EXT2: variants seen among roughly 807,000 people sequenced by gnomAD.
EXT2 encodes exostosin-2.
EXT2 carries 53 observed loss-of-function variants against 81.6 expected under a neutral mutation model. The ratio of observed to expected loss-of-function variants is 0.65; its 90% CI spans 0.52 to 0.82. The LOEUF (loss-of-function observed/expected upper bound fraction) is 0.82, where lower values mean the gene tolerates loss of function less well. EXT2 is among the 40% of genes least tolerant of loss of function. EXT2 has a pLI of 0.00. For missense variants in EXT2, 774 were observed against 910.2 expected, an observed-to-expected ratio of 0.85 and a Z score of 1.93; for synonymous variants, 320 against 340.0, an observed-to-expected ratio of 0.94 and a Z score of 0.65.
intron 4 of EXT2, among the ~76,000 whole-genome samples, chr11:44,118,378 T>A (rs1434798029): frequency 6.6e-6 from 1 of 152,190 alleles, no homozygotes; most frequent in Non-Finnish European, 1.5e-5. Context: ...TACAGATGCA[T>A]GATTCATATT....
intron 8 of EXT2, among the ~76,000 whole-genome samples, chr11:44,181,811 T>C (rs936160376): frequency 2.0e-5 from 3 of 152,220 alleles, no homozygotes; most frequent in African/African-American, 7.2e-5. Context: ...CTATTTTTCT[T>C]ATTGGAAGCT....
Position 44,250,969 on chromosome 11 carries a change from C to T in EXT2, c.*6682C>T, listed in dbSNP as rs748514993. ...GGTGGCAGCACCTCCTATAGGATTT[C>T]CAATAGTCTTTCTCTAGTAGATCAT... On this transcript the variant is annotated 3_prime_UTR_variant, in exon 14 of 14. Transcript: ENST00000533608. Among the ~76,000 whole-genome samples, 5 of 152,194 alleles carry T rather than the reference C, an allele frequency of 3.3e-5. No homozygotes were observed. Among genetic ancestry groups the T allele is most frequent in the Admixed American group, 6.5e-5 (1 of 15,282 alleles).
At chr11:44,233,590 A>G (rs1055906061) in intron 11 of EXT2, among the ~76,000 whole-genome samples, 1 of 152,230 alleles carries the variant, frequency 6.6e-6, no homozygotes, top group African/African-American at 2.4e-5. Context: ...CAGCAGTAGC[A>G]TAAAGAACTG....
At chr11:44,236,867 T>C (rs143844023) in intron 13 of EXT2, among the ~76,000 whole-genome samples, 127 of 152,250 alleles carry the variant, frequency 8.3e-4, no homozygotes, top group African/African-American at 2.9e-3. Flanking sequence ...GCAAGACAGC[T>C]CTGAAATACT....
chr11:44,158,392 T>C (rs1225061535), intron 7 of EXT2, among the ~76,000 whole-genome samples: 2 of 152,190 alleles, frequency 1.3e-5, no homozygotes, highest in Admixed American at 6.5e-5. Context: ...CAAACTGTTA[T>C]TTTTTCTGTA....
chr11:44,119,922 A>T (rs1409238817), intron 4 of EXT2, among the ~76,000 whole-genome samples: 1 of 152,180 alleles, frequency 6.6e-6, no homozygotes, highest in Non-Finnish European at 1.5e-5. Context: ...TCTTCAGTGC[A>T]CTTTTCTTGA....
At chr11:44,137,371 T>C (rs866511224) in intron 7 of EXT2, among the ~76,000 whole-genome samples, 2 of 152,188 alleles carry the variant, frequency 1.3e-5, no homozygotes, top group Non-Finnish European at 2.9e-5. Context: ...ATAAAGTTAC[T>C]TTCCCTGGCA....
At chr11:44,164,965 G>A (rs375304615) in intron 7 of EXT2, among the ~76,000 whole-genome samples, 11 of 147,020 alleles carry the variant, frequency 7.5e-5, no homozygotes, top group Middle Eastern at 3.5e-3. Context: ...TGCAAGCTCC[G>A]CCTCCCGGGT....
chr11:44,148,783 C>T (rs1954754573), intron 7 of EXT2, among the ~76,000 whole-genome samples: 2 of 152,262 alleles, frequency 1.3e-5, no homozygotes, highest in South Asian at 2.1e-4. Flanking sequence ...CTACATTCCT[C>T]TGGTGGGAAC....
intron 1 of EXT2, among the ~76,000 whole-genome samples, chr11:44,100,808 C>T (rs1318449219): frequency 6.6e-6 from 1 of 152,142 alleles, no homozygotes; most frequent in Non-Finnish European, 1.5e-5. Context: ...GACCCTGAGA[C>T]CTGGATGGAG....
At chr11:44,223,132 A>G (rs1955800255) in intron 10 of EXT2, among the ~76,000 whole-genome samples, 1 of 152,250 alleles carries the variant, frequency 6.6e-6, no homozygotes, top group African/African-American at 2.4e-5. Flanking sequence ...CAAACAGCAA[A>G]TGCCAATGAG....
Position 44,095,975 on chromosome 11 carries a change from G to C in EXT2, c.-31+123G>C, listed in dbSNP as rs565589672. 1,720 of 473,900 alleles carry C rather than the reference G, an allele frequency of 3.6e-3. 3 individuals carry two copies. Among genetic ancestry groups the C allele is most frequent in the Non-Finnish European group, 5.6e-3 (1,420 of 255,638 alleles). 29.4% of individuals were successfully genotyped at this position (473,900 alleles called of 1,614,324 possible). On this transcript the variant is annotated intron_variant, in intron 1 of 13. Transcript: ENST00000533608. ...CGCGGCCGCGCGGAGGCTCCGTGGA[G>C]GCCCGTGGGCTGCGAGAGGCCACCC...
chr11:44,191,612 A>G (rs1955392377), intron 8 of EXT2, among the ~76,000 whole-genome samples: 1 of 152,216 alleles, frequency 6.6e-6, no homozygotes, highest in Non-Finnish European at 1.5e-5. Context: ...TCATGCAGAA[A>G]GTGGGGTCAA....
intron 13 of EXT2, among the ~76,000 whole-genome samples, chr11:44,243,679 G>T: frequency 8.5e-6 from 1 of 118,022 alleles, no homozygotes; most frequent in African/African-American, 3.4e-5. Flanking sequence ...TCTCTCCTCT[G>T]CCTTTTAAAC....
In EXT2 at chr11:44,245,729, C is replaced by T. The variant is rs1019227519; in HGVS notation, c.*1442C>T. Among the ~76,000 whole-genome samples the T allele has an allele frequency of 6.6e-6, 1 of 152,210 alleles. No individual in the cohort carries two copies. The highest frequency in any genetic ancestry group is 2.1e-4 in the South Asian group (1 of 4,828). The stretch of plus-strand genomic sequence containing the variant: ...TATGCTGTAGTTTCATCAAGAGTCA[C>T]TTCAGATGTGTTCCCCAGACTTTGA... On this transcript the variant is annotated 3_prime_UTR_variant, in exon 14 of 14. Coordinates refer to ENST00000533608, the MANE Select transcript of EXT2 (RefSeq NM_207122.2).
intron 7 of EXT2, among the ~76,000 whole-genome samples, chr11:44,151,863 T>C (rs1156672570): frequency 6.6e-6 from 1 of 152,228 alleles, no homozygotes; most frequent in Non-Finnish European, 1.5e-5. Context: ...TTGCCCTACA[T>C]CTTCACCAAC....
chr11:44,152,840 A>T (rs1954810499), intron 7 of EXT2, among the ~76,000 whole-genome samples: 1 of 152,126 alleles, frequency 6.6e-6, no homozygotes, highest in Non-Finnish European at 1.5e-5. Flanking sequence ...ATTCAGGTAT[A>T]TTTATGTAGG....
chr11:44,119,124 T>TATATATA (rs1555004227), intron 4 of EXT2, among the ~76,000 whole-genome samples: 5 of 25,654 alleles, frequency 1.9e-4, no homozygotes, highest in Non-Finnish European at 2.4e-4. Context: ...ATTTGGCTAT[T>TATATATA]TATATATATA....
intron 4 of EXT2, among the ~76,000 whole-genome samples, chr11:44,119,225 G>C (rs1253298104): frequency 6.8e-6 from 1 of 147,498 alleles, no homozygotes; most frequent in Non-Finnish European, 1.5e-5. Flanking sequence ...GGGGATGTGT[G>C]TCAGAGGGTC....
Sources: allele counts gnomAD v4.1 joint callset (sites outside exome capture counted in the v4.1 genomes callset), GRCh38; gene constraint gnomAD v4.1.1; transcripts MANE v1.5; gene names NCBI Gene and HGNC (gene_info 2026-07-23, HGNC 2026-07-21).